The following KCNH1 variants were observed in gnomAD, a reference collection of about 807,000 sequenced individuals.
The protein encoded by KCNH1 is potassium voltage-gated channel subfamily H member 1.
KCNH1 carries 27 observed loss-of-function variants against 69.2 expected under a neutral mutation model. The observed-to-expected ratio is 0.39, with a 90% confidence interval of 0.29 to 0.54. The LOEUF (loss-of-function observed/expected upper bound fraction) is 0.54. Among genes scored for constraint, KCNH1 ranks in the 20% least tolerant of loss-of-function variants. The pLI is 0.68. For synonymous variants in KCNH1, 456 were observed against 487.7 expected (o/e 0.93, Z 0.86); for missense variants, 798 against 1,261.6 (o/e 0.63, Z 5.57).
At chr1:210,934,023 C>CA (rs1205082260) in intron 6 of KCNH1, among the ~76,000 whole-genome samples, 1 of 152,054 alleles carries the variant, frequency 6.6e-6, no homozygotes, top group Non-Finnish European at 1.5e-5. Flanking sequence ...TCACTATATG[C>CA]AAAAATCAAC....
intron 7 of KCNH1, among the ~76,000 whole-genome samples, chr1:210,850,215 G>T (rs1401751972): frequency 6.6e-6 from 1 of 152,084 alleles, no homozygotes; most frequent in East Asian, 1.9e-4. Context: ...AAAAACATCT[G>T]GGGCCAGGTG....
At chr1:211,107,572 T>C (rs549912095) in intron 1 of KCNH1, among the ~76,000 whole-genome samples, 195 bp from the exon 2 acceptor site, 3 of 152,248 alleles carry the variant, frequency 2.0e-5, no homozygotes, top group African/African-American at 7.2e-5. Context: ...TGAATGCAAG[T>C]GCTAACTTAG....
rs529185176 is a variant in KCNH1 at position 211,049,321 on chromosome 1, AG to A, written c.559-30066del. Reference sequence around the variant, plus strand: ...GGCTTAGATTTTAAAGCGATTGTCAAGATCTCCATTAAAGGATGAGCCACAA... The same window carrying A: ...GGCTTAGATTTTAAAGCGATTGTCAAATCTCCATTAAAGGATGAGCCACAA... On this transcript the variant is annotated intron_variant, in intron 5 of 10. Coordinates refer to ENST00000271751, the MANE Select transcript of KCNH1 (RefSeq NM_172362.3). Among the ~76,000 whole-genome samples, 21 of 152,376 alleles carry A rather than the reference AG, an allele frequency of 1.4e-4. No homozygotes were observed. The South Asian group carries it at 4.3e-3, about 32-fold the overall frequency.
At chr1:210,866,477 G>A (rs1490114214) in intron 7 of KCNH1, among the ~76,000 whole-genome samples, 1 of 152,050 alleles carries the variant, frequency 6.6e-6, no homozygotes, top group Non-Finnish European at 1.5e-5. Flanking sequence ...TTTCTCCAAA[G>A]AAGATATAGA....
intron 7 of KCNH1, among the ~76,000 whole-genome samples, chr1:210,886,072 G>C (rs533039373): frequency 3.9e-5 from 6 of 152,318 alleles, no homozygotes; most frequent in Admixed American, 3.3e-4. Context: ...ACTCATGTGG[G>C]TCCCTGACCC....
At position 210,872,558 on chromosome 1, in the gene KCNH1, T is replaced by C. The variant is rs1686276519; in HGVS notation, c.1462+47082A>G. On this transcript the variant is annotated intron_variant, in intron 7 of 10. Coordinates refer to ENST00000271751, the MANE Select transcript of KCNH1 (RefSeq NM_172362.3). ...TCTGCAGGCTGTACAGAAAGCACGATGCTGACATCTGCTCAGCTTCTGGGG... is the reference window on the plus strand; with the variant it reads ...TCTGCAGGCTGTACAGAAAGCACGACGCTGACATCTGCTCAGCTTCTGGGG... 2.0e-5 allele frequency among the ~76,000 whole-genome samples: 3 copies of C among 152,206 alleles called. No individual in the cohort carries two copies. The South Asian group carries it at 6.2e-4, about 31-fold the overall frequency.
At chr1:210,945,635 G>T (rs1687944811) in intron 6 of KCNH1, among the ~76,000 whole-genome samples, 1 of 152,160 alleles carries the variant, frequency 6.6e-6, no homozygotes, top group South Asian at 2.1e-4. Context: ...CCTGATTCAG[G>T]ATGTCTCCAA....
chr1:210,996,352 G>A lies in KCNH1; in HGVS notation c.1032+22431C>T, dbSNP rs139757406. On this transcript the variant is annotated intron_variant, in intron 6 of 10. Coordinates refer to ENST00000271751, the MANE Select transcript of KCNH1 (RefSeq NM_172362.3). Reference sequence around the variant, plus strand: ...GGAGATTATATCCGGCACCTGGTTCGGAGGGTCCTACGCCCATGGAGTCTC... The same window carrying A: ...GGAGATTATATCCGGCACCTGGTTCAGAGGGTCCTACGCCCATGGAGTCTC... Among the ~76,000 whole-genome samples the A allele has an allele frequency of 2.0e-3, 301 of 152,290 alleles. 7 individuals carry two copies. The highest frequency in any genetic ancestry group is 6.5e-4 in the Non-Finnish European group (44 of 68,036).
intron 7 of KCNH1, among the ~76,000 whole-genome samples, chr1:210,852,761 G>C (rs996322517): frequency 1.3e-5 from 2 of 152,124 alleles, no homozygotes; most frequent in Admixed American, 1.3e-4. Flanking sequence ...TCATTCCATG[G>C]TTCCCTTACT....
chr1:211,005,951 G>C (rs1207074991), intron 6 of KCNH1, among the ~76,000 whole-genome samples: 1 of 152,080 alleles, frequency 6.6e-6, no homozygotes, highest in Non-Finnish European at 1.5e-5. Context: ...TCATAAAAGA[G>C]AGTAACCAAA....
Position 210,775,344 on chromosome 1 carries a change from T to C in KCNH1, c.2112+4A>G. On this transcript the variant is annotated splice_donor_region_variant and intron_variant, in intron 10 of 10. Coordinates refer to ENST00000271751, the MANE Select transcript of KCNH1 (RefSeq NM_172362.3). ...GTGGAAAATAACTGAAACTTTTAGC[T>C]CACCCTCTTCCTCAAGTTGTACGTC... 1 of 1,613,422 alleles carries C rather than the reference T, an allele frequency of 6.2e-7. No homozygotes were observed. Among genetic ancestry groups the C allele is most frequent in the Non-Finnish European group, 8.5e-7 (1 of 1,179,522 alleles).
At chr1:210,802,357 T>C (rs1262841561) in intron 8 of KCNH1, among the ~76,000 whole-genome samples, 5 of 152,198 alleles carry the variant, frequency 3.3e-5, no homozygotes, top group Non-Finnish European at 7.3e-5. Flanking sequence ...TGAATTTGGT[T>C]TGCAATGTGT....
intron 6 of KCNH1, among the ~76,000 whole-genome samples, chr1:211,010,596 C>T (rs766592022): frequency 2.0e-5 from 3 of 152,136 alleles, no homozygotes; most frequent in Non-Finnish European, 4.4e-5. Flanking sequence ...ACTTCCTCCT[C>T]ACCAGACTAA....
chr1:210,978,149 C>T, intron 6 of KCNH1, among the ~76,000 whole-genome samples: 1 of 151,948 alleles, frequency 6.6e-6, no homozygotes, highest in East Asian at 1.9e-4. Flanking sequence ...CGCCATTCCC[C>T]TGTCTCAGCC....
intron 10 of KCNH1, among the ~76,000 whole-genome samples, chr1:210,685,007 A>C (rs1681378296): frequency 6.6e-6 from 1 of 152,164 alleles, no homozygotes; most frequent in Admixed American, 6.5e-5. Flanking sequence ...AAGGTATCAA[A>C]CCCCAGATCC....
chr1:210,797,344 C>T (rs1684334954), intron 9 of KCNH1, among the ~76,000 whole-genome samples, 164 bp downstream of exon 9: 1 of 152,206 alleles, frequency 6.6e-6, no homozygotes, highest in Admixed American at 6.5e-5. Context: ...TGGCTTTGTG[C>T]CAAACAGGCT....
intron 10 of KCNH1, among the ~76,000 whole-genome samples, chr1:210,728,648 TAC>T (rs1332345721): frequency 1.3e-5 from 2 of 152,202 alleles, no homozygotes; most frequent in African/African-American, 4.8e-5. Context: ...CACACGTGCT[TAC>T]ACACACAGCC....
intron 6 of KCNH1, among the ~76,000 whole-genome samples, chr1:210,982,426 C>A (rs981612058): frequency 2.6e-5 from 4 of 152,044 alleles, no homozygotes; most frequent in Non-Finnish European, 5.9e-5. Flanking sequence ...CCCTTCCCCC[C>A]ACTCCACACC....
At chr1:210,845,281 A>G (rs1229267876) in intron 7 of KCNH1, among the ~76,000 whole-genome samples, 3 of 152,214 alleles carry the variant, frequency 2.0e-5, no homozygotes, top group Non-Finnish European at 4.4e-5. Flanking sequence ...ACCAAAAAAG[A>G]GAATTTTAGA....
Sources: allele counts gnomAD v4.1 joint callset (sites outside exome capture counted in the v4.1 genomes callset), GRCh38; gene constraint gnomAD v4.1.1; transcripts MANE v1.5; gene names NCBI Gene and HGNC (gene_info 2026-07-23, HGNC 2026-07-21).